The following DHRSX variants were observed in gnomAD, a reference collection of about 807,000 sequenced individuals.
DHRSX encodes polyprenol dehydrogenase.
DHRSX carries 31 observed loss-of-function variants against 34.0 expected under a neutral mutation model. That is an observed-to-expected ratio of 0.91 (90% CI 0.69 to 1.23). The LOEUF (loss-of-function observed/expected upper bound fraction) is 1.23. Among genes scored for constraint, DHRSX ranks in the 50% most tolerant of loss-of-function variants. DHRSX has a pLI of 0.00. For synonymous variants in DHRSX, 201 were observed against 183.8 expected, an observed-to-expected ratio of 1.09 and a Z score of -0.76; for missense variants, 414 against 428.1, an observed-to-expected ratio of 0.97 and a Z score of 0.29.
At chrX:2,231,703 T>C (rs1474539323) in intron 6 of DHRSX, among the ~76,000 whole-genome samples, 2 of 150,352 alleles carry the variant, frequency 1.3e-5, no homozygotes, top group Non-Finnish European at 2.9e-5. Flanking sequence ...CTTTTCACTC[T>C]CTATTCCTCT....
At chrX:2,246,708 G>GAAAGAAAGAAAGAAAGAAAGA (rs2016297782) in intron 5 of DHRSX, among the ~76,000 whole-genome samples, 1 of 82,238 alleles carries the variant, frequency 1.2e-5, no homozygotes, top group African/African-American at 4.1e-5. Context: ...GAAAGAAAGA[G>GAAAGAAAGAAAGAAAGAAAGA]AAAGAAAGAA....
intron 1 of DHRSX, among the ~76,000 whole-genome samples, chrX:2,458,632 C>T (rs928803997): frequency 2.0e-5 from 3 of 151,832 alleles, no homozygotes; most frequent in African/African-American, 7.3e-5. Context: ...AAGCTGAACG[C>T]ATAAACGCAG....
At chrX:2,416,352 T>C (rs1238309749) in intron 2 of DHRSX, among the ~76,000 whole-genome samples, 1 of 152,174 alleles carries the variant, frequency 6.6e-6, no homozygotes, top group Non-Finnish European at 1.5e-5. Context: ...CTAGACCTCA[T>C]CATTATCTAC....
intron 3 of DHRSX, among the ~76,000 whole-genome samples, chrX:2,358,928 G>A (rs1237666817): frequency 4.8e-5 from 7 of 147,276 alleles, no homozygotes; most frequent in South Asian, 2.2e-4. Flanking sequence ...CAGCCTGGGC[G>A]ACAGAGTGAG....
intron 3 of DHRSX, among the ~76,000 whole-genome samples, chrX:2,367,214 C>T (rs1302601114): frequency 6.6e-6 from 1 of 151,894 alleles, no homozygotes; most frequent in Non-Finnish European, 1.5e-5. Flanking sequence ...CTGAGGTGGG[C>T]GGATCACAAA....
intron 3 of DHRSX, among the ~76,000 whole-genome samples, chrX:2,331,436 G>GTTTTGT: frequency 1.1e-5 from 1 of 94,658 alleles, no homozygotes; most frequent in Non-Finnish European, 2.2e-5. Context: ...AGGTTTTTTG[G>GTTTTGT]TTTTTTTTTT....
chrX:2,293,126 A>G (rs2041886309), intron 3 of DHRSX, among the ~76,000 whole-genome samples: 1 of 152,154 alleles, frequency 6.6e-6, no homozygotes, highest in African/African-American at 2.4e-5. Context: ...GGACAGCTTT[A>G]TAACATCACA....
In DHRSX at chrX:2,380,454, T is replaced by C. The variant is rs150396963; in HGVS notation, c.286+28291A>G. Among the ~76,000 whole-genome samples the C allele has an allele frequency of 9.9e-3, 1,510 of 152,090 alleles. 25 individuals are homozygous for C. Among genetic ancestry groups the C allele is most frequent in the African/African-American group, 0.035 (1,438 of 41,490 alleles). The stretch of plus-strand genomic sequence containing the variant: ...AAGGAATACAGGGAAAGATGGTCTC[T>C]ACAGGTCCTACTGAGTCTAGCAGGG... On this transcript the variant is annotated intron_variant, in intron 3 of 6. Transcript: ENST00000334651.
intron 3 of DHRSX, among the ~76,000 whole-genome samples, chrX:2,351,919 C>G: frequency 6.6e-6 from 1 of 152,282 alleles, no homozygotes; most frequent in African/African-American, 2.4e-5. Context: ...AGGGTTCCAC[C>G]ATAACAGCCA....
At chrX:2,233,142 G>A (rs1421720460) in intron 6 of DHRSX, among the ~76,000 whole-genome samples, 3 of 152,142 alleles carry the variant, frequency 2.0e-5, no homozygotes, top group Non-Finnish European at 4.4e-5. Context: ...CTATCTGGCC[G>A]ACCTCCTGTG....
chrX:2,221,080 CTT>C lies in DHRSX; in HGVS notation c.952_953del (p.Lys318GlufsTer3), dbSNP rs767033943. 6.2e-7 allele frequency: 1 copy of C among 1,613,956 alleles called. No homozygotes were observed. The highest frequency in any genetic ancestry group is 2.2e-5 in the East Asian group (1 of 44,884). ...CAAGGACCCCAGTCATCTCACAACTCTTAGACCACAGCTGCTGCTGCAGTTTC... is the reference window on the plus strand; with the variant it reads ...CAAGGACCCCAGTCATCTCACAACTCAGACCACAGCTGCTGCTGCAGTTTC... ...NQKLQQQLWS[K>X]SCEMTGVLDV... On this transcript the variant is annotated frameshift_variant, in exon 7 of 7. Coordinates refer to ENST00000334651, the MANE Select transcript of DHRSX (RefSeq NM_145177.3). LOFTEE classifies it high-confidence loss of function.
intron 3 of DHRSX, among the ~76,000 whole-genome samples, chrX:2,349,590 G>T (rs1288997190): frequency 1.3e-5 from 2 of 151,928 alleles, no homozygotes; most frequent in Non-Finnish European, 2.9e-5. Context: ...GGGAGGCTGA[G>T]GCAAGAGAAT....
rs780544771 is a variant in DHRSX at position 2,308,293 on chromosome X, T to G, written c.287-16690A>C. Reference sequence around the variant, plus strand: ...AAGCCAAAATGGTGGCCTCCTACACTCAGAGCCTGTGAAAAAGGTGATGTC... The same window carrying G: ...AAGCCAAAATGGTGGCCTCCTACACGCAGAGCCTGTGAAAAAGGTGATGTC... On this transcript the variant is annotated intron_variant, in intron 3 of 6. Transcript: ENST00000334651. Among the ~76,000 whole-genome samples, 29 of 152,026 alleles carry G rather than the reference T, an allele frequency of 1.9e-4. No individual in the cohort carries two copies. In the South Asian group the frequency reaches 5.8e-3, roughly 30 times the overall value.
chrX:2,325,443 A>G (rs776822272), intron 3 of DHRSX, among the ~76,000 whole-genome samples: 1 of 151,926 alleles, frequency 6.6e-6, no homozygotes, highest in Non-Finnish European at 1.5e-5. Context: ...CAGGAACTAG[A>G]GACTAGACAC....
intron 3 of DHRSX, among the ~76,000 whole-genome samples, chrX:2,331,340 G>A (rs1450003597): frequency 1.3e-5 from 2 of 150,056 alleles, no homozygotes; most frequent in East Asian, 2.0e-4. Flanking sequence ...ACTTTTTCCC[G>A]ATTTCTGTTA....
chrX:2,388,758 A>G (rs2043300959), intron 3 of DHRSX, among the ~76,000 whole-genome samples: 1 of 151,766 alleles, frequency 6.6e-6, no homozygotes, highest in Non-Finnish European at 1.5e-5. Flanking sequence ...CCTCAGGAGG[A>G]ATCAGCCTTG....
chrX:2,385,918 CA>C (rs753519130), intron 3 of DHRSX, among the ~76,000 whole-genome samples: 2 of 152,076 alleles, frequency 1.3e-5, no homozygotes, highest in East Asian at 3.9e-4. Flanking sequence ...GATAAATGGC[CA>C]AATACTACAC....
intron 6 of DHRSX, among the ~76,000 whole-genome samples, chrX:2,226,787 G>T (rs191904542): frequency 0.027 from 4,155 of 151,506 alleles, 121 homozygotes; most frequent in African/African-American, 0.066. Flanking sequence ...AGAGCGAGAT[G>T]CCATCTCAAA....
At chrX:2,416,304 A>G (rs1797871366) in intron 2 of DHRSX, among the ~76,000 whole-genome samples, 1 of 152,058 alleles carries the variant, frequency 6.6e-6, no homozygotes, top group South Asian at 2.1e-4. Flanking sequence ...ACCCAAGTAG[A>G]CTTCATCATA....
Sources: gnomAD v4.1 joint callset for allele counts (sites outside exome capture counted in the v4.1 genomes callset) on GRCh38, gnomAD v4.1.1 for gene constraint, MANE v1.5 for transcripts, NCBI Gene and HGNC (gene_info 2026-07-23, HGNC 2026-07-21) for gene names.